Variants in ZFPM2 observed in about 807,000 individuals in gnomAD.
The protein encoded by ZFPM2 is zinc finger protein, FOG family member 2.
Under a neutral mutation model 98.6 loss-of-function variants are expected in ZFPM2, and 20 were observed. The observed-to-expected ratio is 0.20, with a 90% CI of 0.14 to 0.29. ZFPM2 has a LOEUF of 0.29. Among genes scored for constraint, ZFPM2 ranks in the 10% least tolerant of loss-of-function variants. ZFPM2 has a pLI of 1.00. For missense variants in ZFPM2, 1,310 were observed against 1,388.6 expected (o/e 0.94, Z 0.90); for synonymous variants, 518 against 502.7 (o/e 1.03, Z -0.41).
At chr8:105,694,331 T>G (rs1290714042) in intron 5 of ZFPM2, among the ~76,000 whole-genome samples, 2 of 152,118 alleles carry the variant, frequency 1.3e-5, no homozygotes, top group African/African-American at 4.8e-5. Flanking sequence ...TTGACTCAAA[T>G]AGAGTTTTCT....
chr8:105,334,695 C>T (rs765620217), intron 1 of ZFPM2, among the ~76,000 whole-genome samples: 2 of 151,502 alleles, frequency 1.3e-5, no homozygotes. Context: ...TTTTTTCTGC[C>T]CTGCCCGAAA....
chr8:105,774,010 G>A (rs146796894), intron 5 of ZFPM2, among the ~76,000 whole-genome samples: 49 of 152,238 alleles, frequency 3.2e-4, no homozygotes, highest in African/African-American at 1.1e-3. Flanking sequence ...CATAATTAGC[G>A]TCTGACAGTT....
intron 1 of ZFPM2, among the ~76,000 whole-genome samples, chr8:105,341,354 A>C (rs1269525458): frequency 6.6e-6 from 1 of 151,918 alleles, no homozygotes; most frequent in Non-Finnish European, 1.5e-5. Flanking sequence ...TTCTGTCCAT[A>C]TTATGGGAGT....
chr8:105,665,338 A>C (rs1372523278), intron 5 of ZFPM2, among the ~76,000 whole-genome samples: 1 of 152,154 alleles, frequency 6.6e-6, no homozygotes. Context: ...GACATACTCA[A>C]ACTGTAGCAT....
intron 4 of ZFPM2, among the ~76,000 whole-genome samples, chr8:105,615,617 C>G (rs1816397668): frequency 6.6e-6 from 1 of 151,988 alleles, no homozygotes; most frequent in African/African-American, 2.4e-5. Context: ...TTTTTAACAT[C>G]AAGAAAGCAA....
At chr8:105,570,185 T>C (rs940385394) in intron 4 of ZFPM2, among the ~76,000 whole-genome samples, 1 of 152,138 alleles carries the variant, frequency 6.6e-6, no homozygotes, top group South Asian at 2.1e-4. Context: ...GGAAACTGAG[T>C]GGACAGAAAA....
At chr8:105,643,929 T>A (rs1816993015) in intron 5 of ZFPM2, among the ~76,000 whole-genome samples, 1 of 152,184 alleles carries the variant, frequency 6.6e-6, no homozygotes. Flanking sequence ...AAATAAAGTT[T>A]TACTGGAACA....
chr8:105,532,757 G>A (rs1814323492), intron 3 of ZFPM2, among the ~76,000 whole-genome samples: 1 of 152,066 alleles, frequency 6.6e-6, no homozygotes, highest in South Asian at 2.1e-4. Context: ...ATGTAATTGG[G>A]GGTACAAGGT....
At chr8:105,359,243 T>C (rs1812807758) in intron 1 of ZFPM2, among the ~76,000 whole-genome samples, 1 of 152,150 alleles carries the variant, frequency 6.6e-6, no homozygotes, top group African/African-American at 2.4e-5. Context: ...TGCTTCCCCT[T>C]CTGCAATGAT....
chr8:105,639,408 G>A (rs1246824188), intron 5 of ZFPM2, among the ~76,000 whole-genome samples: 2 of 152,024 alleles, frequency 1.3e-5, no homozygotes, highest in East Asian at 3.9e-4. Flanking sequence ...ACATTCTCTA[G>A]GTCTCCAGAT....
intron 3 of ZFPM2, among the ~76,000 whole-genome samples, chr8:105,488,598 A>G (rs1813284719): frequency 6.6e-6 from 1 of 151,962 alleles, no homozygotes; most frequent in African/African-American, 2.4e-5. Flanking sequence ...TGTCTCTACT[A>G]AAAAACAATA....
chr8:105,757,819 G>A (rs1159675836), intron 5 of ZFPM2, among the ~76,000 whole-genome samples: 1 of 152,024 alleles, frequency 6.6e-6, no homozygotes, highest in African/African-American at 2.4e-5. Context: ...TATGTCATGT[G>A]TGCAGAAAAT....
intron 3 of ZFPM2, among the ~76,000 whole-genome samples, chr8:105,531,429 A>G (rs540327649): frequency 6.6e-6 from 1 of 152,226 alleles, no homozygotes; most frequent in Non-Finnish European, 1.5e-5. Context: ...TGCGCTCATT[A>G]TCACATAGCA....
At chr8:105,426,013 T>G (rs1811900861) in intron 2 of ZFPM2, among the ~76,000 whole-genome samples, 1 of 152,170 alleles carries the variant, frequency 6.6e-6, no homozygotes, top group Non-Finnish European at 1.5e-5. Flanking sequence ...TATAAATCCT[T>G]TCAATGAACA....
chr8:105,406,948 C>T (rs770533365), intron 1 of ZFPM2, among the ~76,000 whole-genome samples: 3 of 151,782 alleles, frequency 2.0e-5, no homozygotes, highest in African/African-American at 2.4e-5. Flanking sequence ...TTGAGCCAAA[C>T]GTTGGCCTGA....
chr8:105,345,425 CTTTTT>C (rs10560485), intron 1 of ZFPM2, among the ~76,000 whole-genome samples: 23,766 of 98,394 alleles, frequency 0.24, 2,783 homozygotes, highest in East Asian at 0.53. Context: ...TCGTGATGTT[CTTTTT>C]TTTTTTTTTT....
At chr8:105,539,976 G>A (rs1186880430) in intron 3 of ZFPM2, among the ~76,000 whole-genome samples, 1 of 152,090 alleles carries the variant, frequency 6.6e-6, no homozygotes, top group Non-Finnish European at 1.5e-5. Context: ...TTTCAGAAGT[G>A]TTATTTATTA....
At chr8:105,483,846 GC>G (rs1813174014) in intron 3 of ZFPM2, among the ~76,000 whole-genome samples, 1 of 149,862 alleles carries the variant, frequency 6.7e-6, no homozygotes, top group East Asian at 2.0e-4. Context: ...CCATTCTCCT[GC>G]CTCAGCCTCC....
chr8:105,509,364 C>T (rs750939258), intron 3 of ZFPM2, among the ~76,000 whole-genome samples: 1 of 152,066 alleles, frequency 6.6e-6, no homozygotes, highest in Non-Finnish European at 1.5e-5. Flanking sequence ...TTCCACTCAC[C>T]GAGTTTCATT....
Sources: allele counts gnomAD v4.1 joint callset (sites outside exome capture counted in the v4.1 genomes callset), GRCh38; gene constraint gnomAD v4.1.1; transcripts MANE v1.5; gene names NCBI Gene and HGNC (gene_info 2026-07-23, HGNC 2026-07-21).